The following ZIC5 variants were observed in gnomAD, a reference collection of about 807,000 sequenced individuals.
ZIC5 encodes Zic family zinc finger 5.
Under a neutral mutation model 28.5 loss-of-function variants are expected in ZIC5, and 20 were observed. The ratio of observed to expected loss-of-function variants is 0.70; its 90% CI spans 0.49 to 1.02. The LOEUF is 1.02. ZIC5 is among the 50% of genes least tolerant of loss of function. The pLI, the probability that ZIC5 is intolerant of heterozygous loss-of-function variation, is 0.00. For synonymous variants in ZIC5, 488 were observed against 410.4 expected (o/e 1.19, Z -2.29); for missense variants, 951 against 899.7 (o/e 1.06, Z -0.73).
chr13:99,964,906 T>C lies in ZIC5; in HGVS notation c.*471A>G, dbSNP rs1053533763. The C allele has an allele frequency of 5.9e-5, 9 of 151,920 alleles. No homozygotes were observed. Among genetic ancestry groups the C allele is most frequent in the African/African-American group, 2.2e-4 (9 of 41,214 alleles). The allele number at this position is 151,920 out of a possible 1,614,324, so 9.4% of individuals were successfully genotyped here. A position where few individuals can be genotyped will look rare whatever the true frequency, so the allele number is the denominator to read the frequency against. On this transcript the variant is annotated 3_prime_UTR_variant, in exon 2 of 2. Coordinates refer to ENST00000267294, the MANE Select transcript of ZIC5 (RefSeq NM_033132.5). ...GGCTCAAAAGCAGCCCATGGTATGG[T>C]GTCAAAGGCATTTGAGAGGCACTCT...
chr13:99,971,149 G>T lies in ZIC5; in HGVS notation c.455C>A (p.Ser152Ter), dbSNP rs1170490653. ...GCCACTGTTGGTGGTGGTGTAGCCC[G>T]AGAGGGCAGGAGGAGGAGGAGGCGG... ...PPPPPPPPAL[S>*]GYTTTNSGGG... Residue 152 changes from serine (S) to a stop codon, truncating the protein, a stop_gained, in exon 1 of 2, where the codon TCG becomes TAG. Transcript: ENST00000267294. LOFTEE classifies it high-confidence loss of function. 1.1e-5 allele frequency: 16 copies of T among 1,395,284 alleles called. No individual in the cohort carries two copies. The highest frequency in any genetic ancestry group is 4.9e-5 in the South Asian group (3 of 60,768). 86.4% of individuals were successfully genotyped at this position (1,395,284 alleles called of 1,614,324 possible). A position where few individuals can be genotyped will look rare whatever the true frequency, so the allele number is the denominator to read the frequency against.
chr13:99,971,053 G>C lies in ZIC5; in HGVS notation c.551C>G (p.Pro184Arg). ...CGGGGCCCCGTGCATGGCCGCCGCGGGGGCCGTGGCGGAAAGGTCCCTCCG... is the reference window on the plus strand; with the variant it reads ...CGGGGCCCCGTGCATGGCCGCCGCGCGGGCCGTGGCGGAAAGGTCCCTCCG... Reference protein sequence around the residue: ...VLRRDLSATAPAAAMHGAPLG... With the variant: ...VLRRDLSATARAAAMHGAPLG... Residue 184 changes from proline to arginine, a missense_variant, in exon 1 of 2, where the codon CCC becomes CGC. Pro to Arg is a moderately radical substitution (Grantham distance 103, BLOSUM62 -2). Around this residue, in one of 3 missense-constraint regions of ZIC5, gnomAD observed 784 missense variants for 660.1 expected, o/e 1.19. Transcript: ENST00000267294. 7.0e-7 allele frequency: 1 copy of C among 1,426,094 alleles called. No homozygotes were observed. The highest frequency in any genetic ancestry group is 1.5e-5 in the South Asian group (1 of 67,212). 88.3% of individuals were successfully genotyped at this position (1,426,094 alleles called of 1,614,324 possible). A position where few individuals can be genotyped will look rare whatever the true frequency, so the allele number is the denominator to read the frequency against.
At chr13:99,969,961 GA>G (rs891381084) in intron 1 of ZIC5, among the ~76,000 whole-genome samples, 165 bp downstream of exon 1, 3 of 150,916 alleles carry the variant, frequency 2.0e-5, no homozygotes, top group Non-Finnish European at 3.0e-5. Context: ...GGGGGGGAGA[GA>G]AAAAAAAAGA....
Position 99,965,492 on chromosome 13 carries a change from C to T in ZIC5, c.1805G>A (p.Cys602Tyr). The stretch of plus-strand genomic sequence containing the variant: ...GTGGCTGGGGGCCCCACTGGCCTGG[C>T]AAACGTACCACTCATTGAGGTTGGT... Reference protein sequence around the residue: ...QVTNLNEWYVCQASGAPSHLH... With the variant: ...QVTNLNEWYVYQASGAPSHLH... Residue 602 changes from cysteine (C) to tyrosine (Y), a missense_variant, in exon 2 of 2, where the codon TGC (cysteine) becomes TAC (tyrosine). Cys to Tyr is a radical substitution (Grantham distance 194). This residue lies in a region of ZIC5 where 108 missense variants were observed against 118.4 expected (regional missense o/e 0.91). Transcript: ENST00000267294. 1 of 1,613,888 alleles carries T rather than the reference C, an allele frequency of 6.2e-7. No homozygotes were observed. The highest frequency in any genetic ancestry group is 8.5e-7 in the Non-Finnish European group (1 of 1,179,898).
At chr13:99,967,267 G>A (rs1240490025) in intron 1 of ZIC5, among the ~76,000 whole-genome samples, 1 of 152,160 alleles carries the variant, frequency 6.6e-6, no homozygotes, top group African/African-American at 2.4e-5. Context: ...GCAGATGCCT[G>A]GAATTTAACT....
At chr13:99,965,968 G>C in intron 1 of ZIC5, 149 bp from the exon 2 acceptor site, 1 of 918,046 alleles carries the variant, frequency 1.1e-6, no homozygotes, top group South Asian at 1.8e-5. Context: ...CAAAAGGGAA[G>C]GGATGCTTCA....
At position 99,965,836 on chromosome 13, in the gene ZIC5, GA is replaced by G. The variant is rs751536886; in HGVS notation, c.1478-18del. 2.5e-6 allele frequency: 4 copies of G among 1,600,812 alleles called. No homozygotes were observed. The East Asian group carries it at 6.7e-5, about 27-fold the overall frequency. On this transcript the variant is annotated intron_variant, in intron 1 of 1. Coordinates refer to ENST00000267294, the MANE Select transcript of ZIC5 (RefSeq NM_033132.5). The stretch of plus-strand genomic sequence containing the variant: ...GCTTTTCCCCTGCAAGGAAACACAG[GA>G]AAGGTCAACAATGGCTTTCCAAGAC...
chr13:99,971,222 GC>G lies in ZIC5; in HGVS notation c.381del (p.Pro129GlnfsTer178). On this transcript the variant is annotated frameshift_variant, in exon 1 of 2. Transcript: ENST00000267294. LOFTEE classifies it high-confidence loss of function. ...GTGGGAGGAAGAGGAGGGGCTGGGG[GC>G]GGGGGCGCGGAGGGCTGCGCGCCAC... ...GSSGAQPSAP[P>X]PPAPPLPPTP... is the part of the protein sequence containing the mutation. 1 of 1,304,610 alleles carries G rather than the reference GC, an allele frequency of 7.7e-7. No homozygotes were observed. The highest frequency in any genetic ancestry group is 9.7e-7 in the Non-Finnish European group (1 of 1,033,822). 80.8% of individuals were successfully genotyped at this position (1,304,610 alleles called of 1,614,324 possible).
chr13:99,971,298 G>A lies in ZIC5; in HGVS notation c.306C>T (p.Ala102=). The change falls in exon 1 of 2, where the codon GCC becomes GCT. Residue 102 remains alanine (A), a synonymous_variant. Coordinates refer to ENST00000267294, the MANE Select transcript of ZIC5 (RefSeq NM_033132.5). ...TGCCCGCGCCGGGGTGCGCGACCAA[G>A]GCTGCAGCACGGGCGGCGGCTGCCG... ...EAPAAAARAA[A]LVAHPGAGSY... 1 of 1,364,476 alleles carries A rather than the reference G, an allele frequency of 7.3e-7. No individual in the cohort carries two copies. Among genetic ancestry groups the A allele is most frequent in the Non-Finnish European group, 9.4e-7 (1 of 1,068,940 alleles). The allele number at this position is 1,364,476 out of a possible 1,614,324, so 84.5% of individuals were successfully genotyped here.
In ZIC5 at chr13:99,970,866, TG is replaced by T. The variant is rs1233340132; in HGVS notation, c.737del (p.Pro246GlnfsTer61). ...FPALHDTPGA[P>X]GGHPHPLNGQ... is the part of the protein sequence containing the mutation. ...CGTTGAGCGGGTGCGGGTGGCCGCC[TG>T]GGGCCCCCGGCGTGTCGTGCAGCGC... On this transcript the variant is annotated frameshift_variant, in exon 1 of 2. Coordinates refer to ENST00000267294, the MANE Select transcript of ZIC5 (RefSeq NM_033132.5). LOFTEE classifies it high-confidence loss of function. 2.4e-6 allele frequency: 3 copies of T among 1,264,904 alleles called. No individual in the cohort carries two copies. The highest frequency in any genetic ancestry group is 3.0e-6 in the Non-Finnish European group (3 of 1,013,906). The allele number at this position is 1,264,904 out of a possible 1,614,324, so 78.4% of individuals were successfully genotyped here. A position where few individuals can be genotyped will look rare whatever the true frequency, so the allele number is the denominator to read the frequency against.
Position 99,965,066 on chromosome 13 carries a change from C to G in ZIC5, c.*311G>C. On this transcript the variant is annotated 3_prime_UTR_variant, in exon 2 of 2. Coordinates refer to ENST00000267294, the MANE Select transcript of ZIC5 (RefSeq NM_033132.5). ...ATATTGCATCGGCAGTGTGTATCGC[C>G]ATTAACTAATCTCTCCATTCATTTT... The G allele has an allele frequency of 6.8e-6, 1 of 147,010 alleles. No homozygotes were observed. The highest frequency in any genetic ancestry group is 2.0e-4 in the East Asian group (1 of 5,054). 9.1% of individuals were successfully genotyped at this position (147,010 alleles called of 1,614,324 possible).
In ZIC5 at chr13:99,970,449, C is replaced by A; in HGVS notation, c.1155G>T (p.Leu385=). Residue 385 remains leucine (L), a synonymous_variant, in exon 1 of 2, where the codon CTG becomes CTT. Transcript: ENST00000267294. ...KWIDPDELAG[L]PPPPPPPPPP... ...GCGGCGGCGGCGGCGGCGGCGGCGG[C>A]AGCCCGGCCAGCTCGTCGGGGTCGA... 1 of 1,051,614 alleles carries A rather than the reference C, an allele frequency of 9.5e-7. No homozygotes were observed. The highest frequency in any genetic ancestry group is 1.1e-6 in the Non-Finnish European group (1 of 873,872). The allele number at this position is 1,051,614 out of a possible 1,614,324, so 65.1% of individuals were successfully genotyped here.
chr13:99,966,874 C>T (rs1294011918), intron 1 of ZIC5, among the ~76,000 whole-genome samples: 2 of 152,142 alleles, frequency 1.3e-5, no homozygotes, highest in Non-Finnish European at 2.9e-5. Flanking sequence ...AGGAAGACAG[C>T]AGGTAACAGT....
At position 99,965,601 on chromosome 13, in the gene ZIC5, A is replaced by G. The variant is rs2053094746; in HGVS notation, c.1696T>C (p.Ser566Pro). 1 of 1,613,986 alleles carries G rather than the reference A, an allele frequency of 6.2e-7. No individual in the cohort carries two copies. The highest frequency in any genetic ancestry group is 1.3e-5 in the African/African-American group (1 of 74,908). ...GGGGCGCCCACTGGAGTCCCCACTG[A>G]TGAGTAACCAAGGGGTCCTGGAGAA... ...PPSPGPLGYSSVGTPVGAPLS... is the reference protein window; with the variant it reads ...PPSPGPLGYSPVGTPVGAPLS... Residue 566 changes from serine (S) to proline (P), a missense_variant, in exon 2 of 2, where the codon TCA (serine) becomes CCA (proline). By Grantham distance (74) the Ser-to-Pro change is moderately conservative (BLOSUM62 -1). This residue lies in a region of ZIC5 where 108 missense variants were observed against 118.4 expected (regional missense o/e 0.91). Coordinates refer to ENST00000267294, the MANE Select transcript of ZIC5 (RefSeq NM_033132.5).
Position 99,964,392 on chromosome 13 carries a change from A to C in ZIC5, c.*985T>G, listed in dbSNP as rs1450661515. On this transcript the variant is annotated 3_prime_UTR_variant, in exon 2 of 2. Coordinates refer to ENST00000267294, the MANE Select transcript of ZIC5 (RefSeq NM_033132.5). ...ACACCTCCTCAAGACTTGACTGTGA[A>C]TGTTGGCATCCCAAAGAACTTAGGA... is the stretch of plus-strand genomic sequence containing the variant. The C allele has an allele frequency of 6.6e-6, 1 of 152,226 alleles. No homozygotes were observed. Among genetic ancestry groups the C allele is most frequent in the Non-Finnish European group, 1.5e-5 (1 of 68,032 alleles). The allele number at this position is 152,226 out of a possible 1,614,324, so 9.4% of individuals were successfully genotyped here.
chr13:99,969,756 G>A (rs373335805), intron 1 of ZIC5, among the ~76,000 whole-genome samples: 15 of 152,250 alleles, frequency 9.9e-5, no homozygotes, highest in African/African-American at 3.4e-4. Context: ...CCGGGCGGGT[G>A]GGGACTGCCG....
In ZIC5 at chr13:99,971,029, G is replaced by T; in HGVS notation, c.575C>A (p.Pro192Gln). Residue 192 changes from proline (P) to glutamine (Q), a missense_variant, in exon 1 of 2, where the codon CCG becomes CAG. Physicochemically the swap from Pro to Gln is moderately conservative, Grantham distance 76. Around this residue, in one of 3 missense-constraint regions of ZIC5, gnomAD observed 784 missense variants for 660.1 expected, o/e 1.19. Transcript: ENST00000267294. Reference sequence around the variant, plus strand: ...GCCGGACCGCTGCTCCCCTCCGAGCGGGGCCCCGTGCATGGCCGCCGCGGG... The same window carrying T: ...GCCGGACCGCTGCTCCCCTCCGAGCTGGGCCCCGTGCATGGCCGCCGCGGG... Reference protein sequence around the residue: ...TAPAAAMHGAPLGGEQRSGTG... With the variant: ...TAPAAAMHGAQLGGEQRSGTG... 7.1e-7 allele frequency: 1 copy of T among 1,418,172 alleles called. No homozygotes were observed. The highest frequency in any genetic ancestry group is 9.1e-7 in the Non-Finnish European group (1 of 1,098,470). The allele number at this position is 1,418,172 out of a possible 1,614,324, so 87.8% of individuals were successfully genotyped here.
In ZIC5 at chr13:99,970,678, T is replaced by G; in HGVS notation, c.926A>C (p.Asn309Thr). The change falls in exon 1 of 2, where the codon AAC (asparagine) becomes ACC (threonine). Residue 309 changes from asparagine to threonine, a missense_variant. This residue lies in a region of ZIC5 where 784 missense variants were observed against 660.1 expected (regional missense o/e 1.19). Coordinates refer to ENST00000267294, the MANE Select transcript of ZIC5 (RefSeq NM_033132.5). ...ALHGYGAVNLNLNLAAAAAAA... is the reference protein window; with the variant it reads ...ALHGYGAVNLTLNLAAAAAAA... The stretch of plus-strand genomic sequence containing the variant: ...GGCCGCCGCAGCCGCCAGGTTCAGG[T>G]TTAAGTTCACGGCTCCGTAGCCGTG... The G allele has an allele frequency of 6.8e-6, 8 of 1,170,526 alleles. No individual in the cohort carries two copies. The highest frequency in any genetic ancestry group is 6.8e-5 in the East Asian group (1 of 14,740). The allele number at this position is 1,170,526 out of a possible 1,614,324, so 72.5% of individuals were successfully genotyped here. A position where few individuals can be genotyped will look rare whatever the true frequency, so the allele number is the denominator to read the frequency against.
At chr13:99,968,852 G>A (rs1381870768) in intron 1 of ZIC5, among the ~76,000 whole-genome samples, 3 of 152,172 alleles carry the variant, frequency 2.0e-5, no homozygotes, top group Non-Finnish European at 4.4e-5. Context: ...CCGGCCATCA[G>A]GCGGCCCGCA....
Sources: allele counts gnomAD v4.1 joint callset (sites outside exome capture counted in the v4.1 genomes callset), GRCh38; gene constraint gnomAD v4.1.1; regional missense constraint gnomAD v4.1.1; transcripts MANE v1.5; gene names NCBI Gene and HGNC (gene_info 2026-07-23, HGNC 2026-07-21).